RANBP17: variants seen among roughly 807,000 people sequenced by gnomAD.
RANBP17 encodes the protein RAN binding protein 17.
A neutral mutation model predicts 141.2 loss-of-function variants in RANBP17; 158 were observed. The observed-to-expected ratio is 1.12, with a 90% CI of 0.98 to 1.28. RANBP17 has a LOEUF of 1.28. Among genes scored for constraint, RANBP17 ranks in the 50% most tolerant of loss-of-function variants. The pLI is 0.00. For synonymous variants in RANBP17, 430 were observed against 450.0 expected (o/e 0.96, Z 0.56); for missense variants, 1,438 against 1,290.7 (o/e 1.11, Z -1.75).
chr5:171,281,295 C>T (rs559661897), intron 25 of RANBP17, among the ~76,000 whole-genome samples: 1 of 152,322 alleles, frequency 6.6e-6, no homozygotes, highest in East Asian at 1.9e-4. Flanking sequence ...GAAGAGAAAT[C>T]TCTTAGGCAC....
At chr5:170,950,746 A>G (rs535490220) in intron 12 of RANBP17, among the ~76,000 whole-genome samples, 18 of 152,178 alleles carry the variant, frequency 1.2e-4, no homozygotes, top group Non-Finnish European at 2.5e-4. Context: ...TCCAAAGGGA[A>G]AGAGTTCAGT....
chr5:171,292,115 G>A (rs150519961), intron 25 of RANBP17, among the ~76,000 whole-genome samples: 27 of 152,260 alleles, frequency 1.8e-4, no homozygotes, highest in African/African-American at 5.8e-4. Context: ...AGTTTAATTT[G>A]TGGCTCTATG....
rs1351109938 is a variant in RANBP17, at chr5:171,183,233, A to G, written c.1929+3A>G. ...AATTCATGCTAAAAAACCACACGGT[A>G]AGTCTTATTTCTTTAATTAATGAAT... is the stretch of plus-strand genomic sequence containing the variant. On this transcript the variant is annotated splice_donor_region_variant and intron_variant, in intron 17 of 27. Coordinates refer to ENST00000523189, the MANE Select transcript of RANBP17 (RefSeq NM_022897.5). The G allele has an allele frequency of 9.4e-6, 15 of 1,598,604 alleles. No homozygotes were observed. The highest frequency in any genetic ancestry group is 1.3e-5 in the Non-Finnish European group (15 of 1,166,006).
chr5:170,918,403 T>TACACACACACACACACACAC lies in RANBP17; in HGVS notation c.955-304_955-285dup, dbSNP rs55900214. 1,242 of 161,664 alleles carry TACACACACACACACACACAC rather than the reference T, an allele frequency of 7.7e-3. 11 individuals are homozygous for TACACACACACACACACACAC. Among genetic ancestry groups the TACACACACACACACACACAC allele is most frequent in the African/African-American group, 0.027 (1,096 of 40,804 alleles). The allele number at this position is 161,664 out of a possible 1,614,324, so 10.0% of individuals were successfully genotyped here. ...TTGTTGACTTCTGTTTAAACCACAG[T>TACACACACACACACACACAC]ACACACACACACACACACACACACA... On this transcript the variant is annotated intron_variant, in intron 9 of 27. Transcript: ENST00000523189.
chr5:170,975,035 C>T (rs1052037488), intron 14 of RANBP17, among the ~76,000 whole-genome samples: 2 of 152,130 alleles, frequency 1.3e-5, no homozygotes, highest in African/African-American at 4.8e-5. Context: ...TTTTCCTTGT[C>T]CCTGCCAGTC....
chr5:171,172,840 G>A (rs74291541), intron 16 of RANBP17, among the ~76,000 whole-genome samples: 14,433 of 151,372 alleles, frequency 0.095, 1,129 homozygotes, highest in African/African-American at 0.21. Flanking sequence ...ATCCTATTAA[G>A]CCTATTATAT....
At position 171,235,671 on chromosome 5, in the gene RANBP17, G is replaced by A. The variant is rs1273224879; in HGVS notation, c.2423-5257G>A. Among the ~76,000 whole-genome samples the A allele has an allele frequency of 4.1e-4, 63 of 152,078 alleles. 1 individual carries two copies. The highest frequency in any genetic ancestry group is 1.3e-4 in the Non-Finnish European group (9 of 68,006). On this transcript the variant is annotated intron_variant, in intron 22 of 27. Coordinates refer to ENST00000523189, the MANE Select transcript of RANBP17 (RefSeq NM_022897.5). ...GGCTGGAGTGCAGTGGTGTGATCAT[G>A]GCTCACTGCAGCTTCAGCCTCCTGG... is the stretch of plus-strand genomic sequence containing the variant.
At chr5:170,953,785 C>T in intron 13 of RANBP17, 83 bp downstream of exon 13, 2 of 864,662 alleles carry the variant, frequency 2.3e-6, no homozygotes, top group Non-Finnish European at 3.8e-6. Context: ...TGAGTGAAGA[C>T]ATTTTGTATG....
intron 14 of RANBP17, among the ~76,000 whole-genome samples, chr5:170,984,233 G>A (rs1777962582): frequency 1.3e-5 from 2 of 152,142 alleles, no homozygotes; most frequent in Non-Finnish European, 2.9e-5. Context: ...TCATCCGGGT[G>A]TATGGTTTCT....
chr5:171,275,216 C>T (rs1465628273), intron 25 of RANBP17, among the ~76,000 whole-genome samples: 1 of 152,154 alleles, frequency 6.6e-6, no homozygotes, highest in Non-Finnish European at 1.5e-5. Context: ...TGTGCCTCAG[C>T]AGTGATTGAT....
chr5:171,293,308 A>G (rs1768616739), intron 25 of RANBP17, among the ~76,000 whole-genome samples: 1 of 152,234 alleles, frequency 6.6e-6, no homozygotes. Flanking sequence ...GGCTGAATTT[A>G]AGAGAACGGA....
intron 25 of RANBP17, among the ~76,000 whole-genome samples, chr5:171,276,868 A>G (rs77502748): frequency 0.022 from 3,303 of 150,482 alleles, 52 homozygotes; most frequent in Middle Eastern, 0.058. Context: ...TGGTTGGCAT[A>G]ATTGCTATTA....
chr5:171,278,669 C>A (rs1767677050), intron 25 of RANBP17, among the ~76,000 whole-genome samples: 1 of 152,088 alleles, frequency 6.6e-6, no homozygotes, highest in Non-Finnish European at 1.5e-5. Context: ...AATGAGAGGC[C>A]AAGCAGCCCC....
intron 13 of RANBP17, among the ~76,000 whole-genome samples, chr5:170,966,756 C>T (rs1226674368): frequency 6.6e-6 from 1 of 152,034 alleles, no homozygotes; most frequent in African/African-American, 2.4e-5. Context: ...GTCAAATTGT[C>T]CCTGTTTGCA....
At chr5:171,104,209 G>A (rs868099328) in intron 14 of RANBP17, among the ~76,000 whole-genome samples, 1 of 152,026 alleles carries the variant, frequency 6.6e-6, no homozygotes, top group Non-Finnish European at 1.5e-5. Context: ...GGCTAATTTT[G>A]TATTTTCAGT....
chr5:171,286,392 C>T (rs1195913991), intron 25 of RANBP17, among the ~76,000 whole-genome samples: 1 of 152,054 alleles, frequency 6.6e-6, no homozygotes, highest in Admixed American at 6.6e-5. Flanking sequence ...AAGAGAGGTG[C>T]ACCTCATCCT....
rs745387024 is a variant in RANBP17 at position 171,298,833 on chromosome 5, C to T, written c.3242C>T (p.Pro1081Leu). Residue 1081 changes from proline (P) to leucine (L), a missense_variant, in exon 28 of 28, where the codon CCA becomes CTA. Transcript: ENST00000523189. ...TTGCGCAGTGATGGCAACACTGAACCATGCAGTCTCGACATGATGAGCTGA... is the reference window on the plus strand; with the variant it reads ...TTGCGCAGTGATGGCAACACTGAACTATGCAGTCTCGACATGATGAGCTGA... ...EALRSDGNTE[P>L]CSLDMMS The T allele has an allele frequency of 1.9e-6, 3 of 1,614,000 alleles. No homozygotes were observed. Among genetic ancestry groups the T allele is most frequent in the African/African-American group, 2.7e-5 (2 of 74,944 alleles).
At chr5:171,070,203 T>C (rs561640058) in intron 14 of RANBP17, among the ~76,000 whole-genome samples, 1 of 152,308 alleles carries the variant, frequency 6.6e-6, no homozygotes, top group East Asian at 1.9e-4. Flanking sequence ...TGTAGGGCAC[T>C]TTAATTGAAA....
chr5:171,083,248 G>C (rs1003762376), intron 14 of RANBP17, among the ~76,000 whole-genome samples: 2 of 152,136 alleles, frequency 1.3e-5, no homozygotes, highest in African/African-American at 4.8e-5. Flanking sequence ...GGACCTTTAA[G>C]AGGTAATTAA....
Sources: allele counts gnomAD v4.1 joint callset (sites outside exome capture counted in the v4.1 genomes callset), GRCh38; gene constraint gnomAD v4.1.1; transcripts MANE v1.5; gene names NCBI Gene and HGNC (gene_info 2026-07-23, HGNC 2026-07-21).